The following RIMKLB variants were observed in gnomAD, a reference collection of about 807,000 sequenced individuals.
RIMKLB encodes ribosomal modification protein rimK like family member B, also known as beta-citrylglutamate synthase B.
Under a neutral mutation model 32.0 loss-of-function variants are expected in RIMKLB, and 7 were observed. The ratio of observed to expected loss-of-function variants is 0.22; its 90% CI spans 0.12 to 0.41. RIMKLB has a LOEUF of 0.41. RIMKLB is among the 10% of genes least tolerant of loss of function. The probability of loss-of-function intolerance (pLI) is 1.00; values close to 1 mark genes in which losing one functional copy is unlikely to be tolerated. For synonymous variants in RIMKLB, 172 were observed against 185.1 expected, an observed-to-expected ratio of 0.93 and a Z score of 0.57; for missense variants, 289 against 498.7, an observed-to-expected ratio of 0.58 and a Z score of 4.00.
intron 1 of RIMKLB, among the ~76,000 whole-genome samples, chr12:8,707,071 T>G (rs760097171): frequency 1.3e-5 from 2 of 152,316 alleles, no homozygotes; most frequent in African/African-American, 4.8e-5. Flanking sequence ...TTCAATGTGC[T>G]TTTTCCTGTT....
At chr12:8,750,691 C>T (rs1157106820) in intron 3 of RIMKLB, among the ~76,000 whole-genome samples, 2 of 151,948 alleles carry the variant, frequency 1.3e-5, no homozygotes, top group South Asian at 2.1e-4. Context: ...AAAATGATCA[C>T]AGCAGTGCCA....
In RIMKLB at chr12:8,682,803, T is replaced by TAAA. The variant is rs34405359; in HGVS notation, n.219+1000_219+1002dup. Among the ~76,000 whole-genome samples, 870 of 132,356 alleles carry TAAA rather than the reference T, an allele frequency of 6.6e-3. 6 individuals carry two copies. Among genetic ancestry groups the TAAA allele is most frequent in the African/African-American group, 0.022 (796 of 35,422 alleles). 86.8% of individuals were successfully genotyped at this position (132,356 alleles called of 152,430 possible). A position where few individuals can be genotyped will look rare whatever the true frequency, so the allele number is the denominator to read the frequency against. The stretch of plus-strand genomic sequence containing the variant: ...AAAATAAAAATAAAAATAAATAAAT[T>TAAA]AAAAAAAAAAAAAAAAAGAAACGAG... On this transcript the variant is annotated intron_variant and non_coding_transcript_variant, in intron 1 of 1. Transcript: ENST00000538758.
downstream of RIMKLB, chr12:8,779,961 A>AATT (rs988389504): frequency 5.9e-5 from 9 of 152,256 alleles, no homozygotes; most frequent in African/African-American, 2.2e-4. Context: ...GACTTAATGA[A>AATT]TTTATTACTC....
upstream of RIMKLB, among the ~76,000 whole-genome samples, chr12:8,680,360 C>T (rs914241098): frequency 6.6e-6 from 1 of 152,038 alleles, no homozygotes; most frequent in South Asian, 2.1e-4. Flanking sequence ...GGGGTTTCAC[C>T]ATGTTAGCCA....
chr12:8,748,557 T>TGTGC (rs1491190533), intron 2 of RIMKLB, among the ~76,000 whole-genome samples: 1 of 102,058 alleles, frequency 9.8e-6, no homozygotes, highest in Non-Finnish European at 2.3e-5. Context: ...TGTGTGTGTG[T>TGTGC]GCATATATAT....
downstream of RIMKLB, among the ~76,000 whole-genome samples, chr12:8,781,958 T>C (rs1026595082): frequency 1.3e-5 from 2 of 152,096 alleles, no homozygotes; most frequent in Admixed American, 6.5e-5. Flanking sequence ...AAGCTGTGTA[T>C]GATCAGTTGG....
chr12:8,753,777 A>G (rs1948805988), intron 4 of RIMKLB, 113 bp from the exon 5 acceptor site: 1 of 806,752 alleles, frequency 1.2e-6, no homozygotes, highest in Non-Finnish European at 2.0e-6. Context: ...ACTTAAAAAA[A>G]AAATGTAGTT....
chr12:8,777,863 C>T (rs935509433), downstream of RIMKLB: 1 of 260,166 alleles, frequency 3.8e-6, no homozygotes, highest in Non-Finnish European at 6.5e-6. Context: ...TTTAAAACTT[C>T]CTTTCTTTAC....
intron 5 of RIMKLB, among the ~76,000 whole-genome samples, chr12:8,756,170 A>AC (rs1449438158): frequency 6.6e-6 from 1 of 150,528 alleles, no homozygotes; most frequent in Non-Finnish European, 1.5e-5. Context: ...AAAAAAAAAA[A>AC]ATTAGCTGGG....
At chr12:8,732,776 C>T (rs1260302431) in intron 2 of RIMKLB, among the ~76,000 whole-genome samples, 1 of 151,570 alleles carries the variant, frequency 6.6e-6, no homozygotes, top group Non-Finnish European at 1.5e-5. Context: ...CACACACACA[C>T]ACACACTCTC....
chr12:8,701,440 C>T (rs1032588594), intron 1 of RIMKLB, among the ~76,000 whole-genome samples: 1 of 151,054 alleles, frequency 6.6e-6, no homozygotes, highest in African/African-American at 2.4e-5. Context: ...TTTTTTTTCC[C>T]CTCTCAAAAT....
Position 8,775,549 on chromosome 12 carries a change from C to G in RIMKLB, c.*1765C>G. The G allele has an allele frequency of 4.1e-6, 4 of 985,736 alleles. No homozygotes were observed. The highest frequency in any genetic ancestry group is 4.8e-6 in the Non-Finnish European group (4 of 829,888). 61.1% of individuals were successfully genotyped at this position (985,736 alleles called of 1,614,324 possible). On this transcript the variant is annotated 3_prime_UTR_variant, in exon 6 of 6. Transcript: ENST00000535829. ...CAGTGCTATTTTCCTTCAGATGGAC[C>G]TTAAACATAATTTCTTGGACACTAC...
intron 5 of RIMKLB, among the ~76,000 whole-genome samples, chr12:8,765,171 G>A (rs1949852220): frequency 6.6e-6 from 1 of 151,900 alleles, no homozygotes; most frequent in Admixed American, 6.6e-5. Context: ...GCTTCCCTTA[G>A]TCTCTCCAGA....
chr12:8,729,750 G>A (rs1946372287), intron 2 of RIMKLB, among the ~76,000 whole-genome samples: 1 of 152,026 alleles, frequency 6.6e-6, no homozygotes, highest in Admixed American at 6.5e-5. Flanking sequence ...ACAGGCATGA[G>A]CCACCATACC....
chr12:8,711,987 C>T (rs1272636950), intron 1 of RIMKLB, among the ~76,000 whole-genome samples: 1 of 152,124 alleles, frequency 6.6e-6, no homozygotes, highest in Non-Finnish European at 1.5e-5. Context: ...GTACCTTTCC[C>T]ATACTGTGGT....
upstream of RIMKLB, chr12:8,697,154 G>A (rs191757502): frequency 1.3e-5 from 2 of 152,316 alleles, no homozygotes; most frequent in Admixed American, 6.5e-5. Flanking sequence ...CTCAGAGGAA[G>A]CGTAGCAACT....
At chr12:8,682,191 C>A (rs868735986) in intron 1 of RIMKLB, among the ~76,000 whole-genome samples, 1 of 152,138 alleles carries the variant, frequency 6.6e-6, no homozygotes, top group Non-Finnish European at 1.5e-5. Flanking sequence ...AATCAGAATT[C>A]TTCAAAGTGG....
At chr12:8,703,494 AT>A (rs201100921) in intron 1 of RIMKLB, among the ~76,000 whole-genome samples, 3 of 151,320 alleles carry the variant, frequency 2.0e-5, no homozygotes, top group African/African-American at 4.9e-5. Context: ...TACCCGGCTA[AT>A]TTTTTTTTCT....
chr12:8,723,929 C>G (rs1449567816), intron 2 of RIMKLB, among the ~76,000 whole-genome samples: 1 of 150,144 alleles, frequency 6.7e-6, no homozygotes, highest in East Asian at 2.0e-4. Context: ...AATCTTTCCA[C>G]CTCAGCCTGC....
Sources: gnomAD v4.1 joint callset for allele counts (sites outside exome capture counted in the v4.1 genomes callset) on GRCh38, gnomAD v4.1.1 for gene constraint, MANE v1.5 for transcripts, NCBI Gene and HGNC (gene_info 2026-07-23, HGNC 2026-07-21) for gene names.